Variants in DPH6 observed in about 807,000 individuals in gnomAD.
The protein encoded by DPH6 is diphthine--ammonia ligase.
In DPH6, 33 loss-of-function variants were observed where a neutral mutation model predicts 38.2. That is an observed-to-expected ratio of 0.86 (90% CI 0.65 to 1.15). DPH6 has a LOEUF of 1.15. DPH6 is among the 50% of genes most tolerant of loss of function. The pLI, the probability that DPH6 is intolerant of heterozygous loss-of-function variation, is 0.00. For synonymous variants in DPH6, 108 were observed against 103.0 expected, an observed-to-expected ratio of 1.05 and a Z score of -0.30; for missense variants, 325 against 320.0, an observed-to-expected ratio of 1.02 and a Z score of -0.12.
chr15:35,441,411 T>C (rs1251989541), intron 5 of DPH6, among the ~76,000 whole-genome samples: 1 of 152,168 alleles, frequency 6.6e-6, no homozygotes, highest in Non-Finnish European at 1.5e-5. Context: ...GAATCAATCC[T>C]AATGTCCATC....
At chr15:35,177,014 T>C in the DPH6 span, among the ~76,000 whole-genome samples, 2 of 152,320 alleles carry the variant, frequency 1.3e-5, no homozygotes, top group African/African-American at 2.4e-5. Flanking sequence ...GTTGTACTCA[T>C]AGAATTGATT....
intron 3 of DPH6, among the ~76,000 whole-genome samples, chr15:35,310,831 C>A (rs1002767478): frequency 4.6e-5 from 7 of 151,690 alleles, no homozygotes; most frequent in African/African-American, 1.7e-4. Context: ...TGGTGGATCA[C>A]CTGAGGTCGG....
At chr15:35,389,750 T>G (rs1322048701) in intron 6 of DPH6, among the ~76,000 whole-genome samples, 2 of 152,118 alleles carry the variant, frequency 1.3e-5, no homozygotes, top group Non-Finnish European at 2.9e-5. Flanking sequence ...CACGTGAGAT[T>G]GGTTTCCTGA....
At position 35,540,554 on chromosome 15, in the gene DPH6, C is replaced by T. The variant is rs115530708; in HGVS notation, c.118+1859G>A. 4.5e-3 allele frequency among the ~76,000 whole-genome samples: 691 copies of T among 152,122 alleles called. 11 individuals carry two copies. The highest frequency in any genetic ancestry group is 0.016 in the African/African-American group (666 of 41,542). ...AGCTAAACCATCTCCATCTACCAAC[C>T]CACAGCCATCTGTTTTCTTCTACAA... On this transcript the variant is annotated intron_variant, in intron 2 of 8. Transcript: ENST00000256538.
In DPH6 at chr15:35,450,705, A is replaced by G; in HGVS notation, c.485T>C (p.Ile162Thr). Residue 162 changes from isoleucine to threonine, a missense_variant, in exon 5 of 9, where the codon ATC becomes ACC. Coordinates refer to ENST00000256538, the MANE Select transcript of DPH6 (RefSeq NM_080650.4). ...EMISSNIQAM[I>T]IKVAALGLDP... ...CATACCCAAAGCTGCTACTTTGATG[A>G]TCATTGCTTGAATGTTAGATGATAT... 6.2e-7 allele frequency: 1 copy of G among 1,613,030 alleles called. No individual in the cohort carries two copies.
At chr15:35,417,108 T>G (rs1413180604) in intron 5 of DPH6, among the ~76,000 whole-genome samples, 1 of 152,076 alleles carries the variant, frequency 6.6e-6, no homozygotes, top group Non-Finnish European at 1.5e-5. Context: ...TTTTTATAAG[T>G]ATAAAGATTG....
intron 1 of DPH6, among the ~76,000 whole-genome samples, chr15:35,545,824 G>A (rs1484428491): frequency 6.6e-6 from 1 of 152,144 alleles, no homozygotes; most frequent in South Asian, 2.1e-4. Context: ...CCCTCTGGCG[G>A]TGGGGCCCAG....
intron 6 of DPH6, among the ~76,000 whole-genome samples, chr15:35,391,518 T>A (rs1490433463): frequency 6.6e-6 from 1 of 152,212 alleles, no homozygotes. Context: ...CCACTTTGTT[T>A]ACCTACTCAA....
intron 3 of DPH6, among the ~76,000 whole-genome samples, chr15:35,344,929 G>C (rs188410348): frequency 1.1e-4 from 16 of 151,878 alleles, no homozygotes; most frequent in Admixed American, 2.6e-4. Context: ...TTTGCCTTTG[G>C]GAAACTATTA....
intron 5 of DPH6, among the ~76,000 whole-genome samples, chr15:35,424,585 T>C (rs2053546057): frequency 6.6e-6 from 1 of 151,622 alleles, no homozygotes; most frequent in Non-Finnish European, 1.5e-5. Context: ...GGATTTCTAG[T>C]ACAATGTTTA....
At chr15:35,199,177 T>C in the DPH6 span, among the ~76,000 whole-genome samples, 2 of 152,316 alleles carry the variant, frequency 1.3e-5, no homozygotes, top group East Asian at 3.9e-4. Context: ...CCTCCCGAAG[T>C]GCTGGGATTA....
intron 3 of DPH6, among the ~76,000 whole-genome samples, chr15:35,281,411 A>G (rs72708917): frequency 0.03 from 4,623 of 152,334 alleles, 203 homozygotes; most frequent in African/African-American, 0.1. Flanking sequence ...ATTTAAATAC[A>G]TATTGACATA....
chr15:35,214,175 C>G (rs1469614395), downstream of DPH6, among the ~76,000 whole-genome samples: 1 of 151,874 alleles, frequency 6.6e-6, no homozygotes, highest in Non-Finnish European at 1.5e-5. Context: ...CTGGGTGTCC[C>G]AAGTATCCTC....
chr15:35,355,238 C>A (rs1398939948), intron 3 of DPH6, among the ~76,000 whole-genome samples: 1 of 152,208 alleles, frequency 6.6e-6, no homozygotes, highest in African/African-American at 2.4e-5. Flanking sequence ...ACTCTTTATC[C>A]AATTTGCCAG....
intron 3 of DPH6, among the ~76,000 whole-genome samples, chr15:35,254,026 G>A (rs1013053525): frequency 1.3e-5 from 2 of 152,106 alleles, no homozygotes; most frequent in Non-Finnish European, 2.9e-5. Flanking sequence ...AATATCAAAG[G>A]GATCCACTGC....
intron 3 of DPH6, among the ~76,000 whole-genome samples, chr15:35,256,984 T>C (rs189984850): frequency 2.6e-5 from 4 of 152,292 alleles, no homozygotes; most frequent in Admixed American, 6.5e-5. Flanking sequence ...ATTAGATGCA[T>C]TGATGACAGC....
intron 6 of DPH6, chr15:35,401,822 C>T (rs1379059517): frequency 7.2e-6 from 4 of 557,856 alleles, no homozygotes; most frequent in Admixed American, 2.2e-5. Context: ...AAGTTGACAG[C>T]GAAACTACAG....
At chr15:35,445,708 C>T (rs777269455) in intron 5 of DPH6, among the ~76,000 whole-genome samples, 13 of 152,166 alleles carry the variant, frequency 8.5e-5, no homozygotes, top group Non-Finnish European at 1.6e-4. Context: ...ATATCATTCA[C>T]AGGTGAGAGA....
At position 35,538,439 on chromosome 15, in the gene DPH6, C is replaced by T. The variant is rs866968402; in HGVS notation, c.147G>A (p.Met49Ile). Residue 49 changes from methionine (M) to isoleucine (I), a missense_variant, in exon 3 of 9, where the codon ATG becomes ATA. Met to Ile is a conservative substitution (Grantham distance 10). Transcript: ENST00000256538. Reference sequence around the variant, plus strand: ...TGGCATGGTGCCCCACTGTCTGATACATGTAGCTATCCAGTTCATCAGACC... The same window carrying T: ...TGGCATGGTGCCCCACTGTCTGATATATGTAGCTATCCAGTTCATCAGACC... ...QVGSDELDSY[M>I]YQTVGHHAID... 7.6e-6 allele frequency: 12 copies of T among 1,580,150 alleles called. No individual in the cohort carries two copies. The highest frequency in any genetic ancestry group is 1.3e-5 in the African/African-American group (1 of 74,568).
Sources: allele counts gnomAD v4.1 joint callset (sites outside exome capture counted in the v4.1 genomes callset), GRCh38; gene constraint gnomAD v4.1.1; transcripts MANE v1.5; gene names NCBI Gene and HGNC (gene_info 2026-07-23, HGNC 2026-07-21).